The following ZNF827 variants were observed in gnomAD, a reference collection of about 807,000 sequenced individuals.
ZNF827 encodes the protein zinc finger protein 827.
Under a neutral mutation model 102.4 loss-of-function variants are expected in ZNF827, and 13 were observed. That is an observed-to-expected ratio of 0.13 (90% confidence interval 0.08 to 0.20). The LOEUF (loss-of-function observed/expected upper bound fraction) is 0.20. Ranked by LOEUF, ZNF827 falls within the 10% of genes least tolerant of loss-of-function variation. ZNF827 has a pLI of 1.00. For synonymous variants in ZNF827, 523 were observed against 536.2 expected, an observed-to-expected ratio of 0.98 and a Z score of 0.34; for missense variants, 1,103 against 1,344.4, an observed-to-expected ratio of 0.82 and a Z score of 2.81.
At position 145,760,207 on chromosome 4, in the gene ZNF827, A is replaced by T. The variant is rs1734296130; in HGVS notation, c.*1409T>A. 6.6e-6 allele frequency: 1 copy of T among 152,286 alleles called. No homozygotes were observed. The highest frequency in any genetic ancestry group is 1.5e-5 in the Non-Finnish European group (1 of 68,082). 9.4% of individuals were successfully genotyped at this position (152,286 alleles called of 1,614,324 possible). On this transcript the variant is annotated 3_prime_UTR_variant, in exon 15 of 15. Coordinates refer to ENST00000508784, the MANE Select transcript of ZNF827 (RefSeq NM_001306215.2). ...ATCAAAGAGAGAGGGAAAGGTGATG[A>T]AGGAGCACAGGGAGAGACTGTCGTG... is the stretch of plus-strand genomic sequence containing the variant.
chr4:145,843,293 A>G (rs908011651), intron 7 of ZNF827, among the ~76,000 whole-genome samples: 7 of 151,758 alleles, frequency 4.6e-5, no homozygotes, highest in African/African-American at 7.3e-5. Flanking sequence ...ACTGATTTCT[A>G]AACACCATAT....
At chr4:145,921,405 A>G (rs577409380) in intron 1 of ZNF827, among the ~76,000 whole-genome samples, 52 of 143,286 alleles carry the variant, frequency 3.6e-4, no homozygotes, top group African/African-American at 1.3e-3. Context: ...AAAGTCTGCC[A>G]TGGTGGCAGT....
chr4:145,782,127 C>A (rs1032221599), intron 8 of ZNF827, among the ~76,000 whole-genome samples: 2 of 152,200 alleles, frequency 1.3e-5, no homozygotes, highest in African/African-American at 2.4e-5. Flanking sequence ...CAACTCCAAG[C>A]CTCGTCTAGG....
Position 145,774,558 on chromosome 4 carries a change from G to A in ZNF827, c.2808C>T (p.Phe936=), listed in dbSNP as rs867718944. Residue 936 remains phenylalanine (F), a synonymous_variant, in exon 11 of 15, where the codon TTC becomes TTT. Transcript: ENST00000508784. ...MFSICCTACD[F]VTMEEAEIKT... is the part of the protein sequence containing the mutation. ...TTATCTCTGCTTCCTCCATGGTGAC[G>A]AAGTCGCAGGCAGTGCAGCAGATCG... 18 of 1,612,808 alleles carry A rather than the reference G, an allele frequency of 1.1e-5. No individual in the cohort carries two copies. The highest frequency in any genetic ancestry group is 2.2e-5 in the South Asian group (2 of 90,584).
intron 6 of ZNF827, 147 bp downstream of exon 6, chr4:145,849,175 G>A (rs1206214590): frequency 6.6e-6 from 6 of 910,490 alleles, no homozygotes; most frequent in African/African-American, 1.7e-5. Flanking sequence ...TGTTAGTTTG[G>A]GTGGCAGTAT....
chr4:145,889,103 G>A (rs913583138), intron 3 of ZNF827, among the ~76,000 whole-genome samples: 1 of 152,110 alleles, frequency 6.6e-6, no homozygotes, highest in African/African-American at 2.4e-5. Flanking sequence ...TCTTGGTGAT[G>A]GGATTAAGGA....
chr4:145,902,155 A>G lies in ZNF827; in HGVS notation c.1093+11T>C, dbSNP rs771020163. 6.4e-7 allele frequency: 1 copy of G among 1,569,552 alleles called. No individual in the cohort carries two copies. The highest frequency in any genetic ancestry group is 2.0e-5 in the Admixed American group (1 of 50,806). On this transcript the variant is annotated intron_variant, in intron 2 of 14. Transcript: ENST00000508784. This position sits in a 1 kb window ranked among gnomAD's most constrained non-coding sequence, Gnocchi z 4.3. ...GGACTTACACGATGATTGAAAGAAA[A>G]GATGCCATACCTGAATTGGAGGGTT...
In ZNF827 at chr4:145,902,523, A is replaced by G. The variant is rs760359951; in HGVS notation, c.736T>C (p.Ser246Pro). 7 of 1,614,028 alleles carry G rather than the reference A, an allele frequency of 4.3e-6. No individual in the cohort carries two copies. Among genetic ancestry groups the G allele is most frequent in the Non-Finnish European group, 5.1e-6 (6 of 1,180,012 alleles). ...GCCAAGGTAGAACTGGCAGACTGGG[A>G]GCTAAAAGGGGAGGAAAAGGACTCA... ...RFESFSSPFS[S>P]QSASSTLAAL... The change falls in exon 2 of 15, where the codon TCC becomes CCC. Residue 246 changes from serine to proline, a missense_variant. Ser to Pro is a moderately conservative substitution (Grantham distance 74). This residue lies in a region of ZNF827 where 441 missense variants were observed against 458.6 expected (regional missense o/e 0.96). Coordinates refer to ENST00000508784, the MANE Select transcript of ZNF827 (RefSeq NM_001306215.2). This position sits in a 1 kb window ranked among gnomAD's most constrained non-coding sequence, Gnocchi z 4.3.
chr4:145,934,358 A>G (rs1487589193), intron 1 of ZNF827, among the ~76,000 whole-genome samples: 1 of 152,208 alleles, frequency 6.6e-6, no homozygotes, highest in Non-Finnish European at 1.5e-5. Context: ...ACAGACACAA[A>G]CACACACACT....
intron 4 of ZNF827, among the ~76,000 whole-genome samples, chr4:145,880,902 T>C (rs1232843986): frequency 6.6e-6 from 1 of 152,162 alleles, no homozygotes; most frequent in Non-Finnish European, 1.5e-5. Flanking sequence ...AGGATGGCAT[T>C]TACTTGGAAG....
At chr4:145,905,027 G>T (rs1470027157) in intron 1 of ZNF827, among the ~76,000 whole-genome samples, 3 of 152,184 alleles carry the variant, frequency 2.0e-5, no homozygotes, top group Non-Finnish European at 4.4e-5. Context: ...TCAATTAGGT[G>T]CATATTTTTA....
At chr4:145,877,286 A>T (rs560930908) in intron 4 of ZNF827, among the ~76,000 whole-genome samples, 1 of 152,288 alleles carries the variant, frequency 6.6e-6, no homozygotes, top group South Asian at 2.1e-4. Flanking sequence ...CCTTGTTAGC[A>T]GTGTGTATGT....
intron 1 of ZNF827, among the ~76,000 whole-genome samples, chr4:145,927,858 G>C (rs1753541974): frequency 6.6e-6 from 1 of 152,184 alleles, no homozygotes; most frequent in African/African-American, 2.4e-5. Context: ...GAAGAATAAA[G>C]CATAATACAA....
chr4:145,815,296 T>C (rs1184632600), intron 8 of ZNF827, among the ~76,000 whole-genome samples: 2 of 152,236 alleles, frequency 1.3e-5, no homozygotes, highest in Admixed American at 1.3e-4. Flanking sequence ...GCCACACTTT[T>C]GCATTTCTAG....
intron 3 of ZNF827, among the ~76,000 whole-genome samples, chr4:145,889,783 C>A (rs1750443480): frequency 6.6e-6 from 1 of 152,114 alleles, no homozygotes. Flanking sequence ...TCAAGACCAG[C>A]GTGGCTAACA....
intron 8 of ZNF827, among the ~76,000 whole-genome samples, chr4:145,815,473 T>C (rs1281965940): frequency 1.3e-5 from 2 of 152,342 alleles, no homozygotes; most frequent in East Asian, 3.9e-4. Flanking sequence ...GGGAGTGTCT[T>C]CTTTACCACA....
chr4:145,913,217 G>A (rs1338133527), intron 1 of ZNF827, among the ~76,000 whole-genome samples: 1 of 152,012 alleles, frequency 6.6e-6, no homozygotes, highest in East Asian at 1.9e-4. Context: ...CTTGAGCTCA[G>A]GAGTTCAAGA....
chr4:145,851,335 T>C (rs1479749046), intron 5 of ZNF827, among the ~76,000 whole-genome samples: 1 of 151,876 alleles, frequency 6.6e-6, no homozygotes, highest in Non-Finnish European at 1.5e-5. Flanking sequence ...GGTACACAGA[T>C]AAAACAAACA....
rs112557731 is a variant in ZNF827 at position 145,778,442 on chromosome 4, C to CT, written c.2521+931dup. On this transcript the variant is annotated intron_variant, in intron 9 of 14. Coordinates refer to ENST00000508784, the MANE Select transcript of ZNF827 (RefSeq NM_001306215.2). Reference sequence around the variant, plus strand: ...AGCCATCGCGCCCGACAACAAAAACCTTTTTTTTTTAAAAAAGTTAGCTGG... The same window carrying CT: ...AGCCATCGCGCCCGACAACAAAAACCTTTTTTTTTTTAAAAAAGTTAGCTGG... 2.5e-3 allele frequency among the ~76,000 whole-genome samples: 376 copies of CT among 150,114 alleles called. 1 individual carries two copies. The highest frequency in any genetic ancestry group is 8.0e-3 in the African/African-American group (328 of 40,988).
Sources: gnomAD v4.1 joint callset for allele counts (sites outside exome capture counted in the v4.1 genomes callset) on GRCh38, gnomAD v4.1.1 for gene constraint, gnomAD v4.1.1 regional missense constraint, Gnocchi (gnomAD v3.1) non-coding constraint, MANE v1.5 for transcripts, NCBI Gene and HGNC (gene_info 2026-07-23, HGNC 2026-07-21) for gene names.